SAMD15: variants seen among roughly 807,000 people sequenced by gnomAD.
The protein encoded by SAMD15 is sterile alpha motif domain containing 15.
SAMD15 carries 37 observed loss-of-function variants against 50.5 expected under a neutral mutation model. The observed-to-expected ratio is 0.73, with a 90% CI of 0.56 to 0.96. The LOEUF (loss-of-function observed/expected upper bound fraction) is 0.96. Among genes scored for constraint, SAMD15 ranks in the 40% least tolerant of loss-of-function variants. SAMD15 has a pLI of 0.00. For missense variants in SAMD15, 789 were observed against 783.8 expected (o/e 1.01, Z -0.08); for synonymous variants, 255 against 282.8 (o/e 0.90, Z 0.99).
intron 2 of SAMD15, among the ~76,000 whole-genome samples, chr14:77,382,269 C>A (rs997957238): frequency 1.3e-5 from 2 of 151,942 alleles, no homozygotes; most frequent in Admixed American, 6.6e-5. Context: ...GGACTACAGG[C>A]GCGTGGCACC....
At position 77,385,631 on chromosome 14, in the gene SAMD15, A is replaced by G. The variant is rs1186529039; in HGVS notation, c.1788+5150A>G. ...AACTTGGCTCTCCTTATATGTAAAT[A>G]TGTTTCCCTATGAAAGACAGATTTA... On this transcript the variant is annotated intron_variant, in intron 2 of 2. Transcript: ENST00000216471. Among the ~76,000 whole-genome samples, 5 of 152,160 alleles carry G rather than the reference A, an allele frequency of 3.3e-5. No homozygotes were observed. In the East Asian group the frequency reaches 9.7e-4, roughly 29 times the overall value.
intron 2 of SAMD15, among the ~76,000 whole-genome samples, chr14:77,383,960 A>G (rs528505799): frequency 2.5e-4 from 35 of 139,326 alleles, no homozygotes; most frequent in African/African-American, 9.2e-4. Context: ...CCTGGGTGAC[A>G]GAGCAAGACT....
At position 77,391,395 on chromosome 14, in the gene SAMD15, A is replaced by G; in HGVS notation, c.*151A>G. 5 of 566,760 alleles carry G rather than the reference A, an allele frequency of 8.8e-6. No individual in the cohort carries two copies. The highest frequency in any genetic ancestry group is 4.8e-5 in the South Asian group (2 of 41,684). 35.1% of individuals were successfully genotyped at this position (566,760 alleles called of 1,614,324 possible). A position where few individuals can be genotyped will look rare whatever the true frequency, so the allele number is the denominator to read the frequency against. ...GTCGCCCAGGCTGGAGTGCAATGGC[A>G]CAGTCTCAGCTCACTGCAACCTTGC... On this transcript the variant is annotated 3_prime_UTR_variant, in exon 3 of 3. Transcript: ENST00000216471.
At position 77,377,912 on chromosome 14, in the gene SAMD15, C is replaced by T. The variant is rs756325657; in HGVS notation, c.494C>T (p.Thr165Met). ...METDPDPVPP[T>M]ETMSEVSGAT... ...ACAGATCCAGATCCAGTGCCACCAA[C>T]GGAAACCATGTCTGAGGTTTCGGGG... is the stretch of plus-strand genomic sequence containing the variant. The change falls in exon 1 of 3, where the codon ACG becomes ATG. Residue 165 changes from threonine (T) to methionine (M), a missense_variant. Transcript: ENST00000216471. 3.1e-6 allele frequency: 5 copies of T among 1,613,898 alleles called. No individual in the cohort carries two copies. The highest frequency in any genetic ancestry group is 4.2e-6 in the Non-Finnish European group (5 of 1,180,006).
intron 2 of SAMD15, among the ~76,000 whole-genome samples, chr14:77,385,948 A>G (rs908506789): frequency 6.6e-6 from 1 of 151,086 alleles, no homozygotes; most frequent in African/African-American, 2.4e-5. Flanking sequence ...CCTGGGCTCA[A>G]ATAATCCTCC....
intron 2 of SAMD15, among the ~76,000 whole-genome samples, chr14:77,384,070 C>T (rs1333342513): frequency 6.6e-6 from 1 of 150,384 alleles, no homozygotes; most frequent in Non-Finnish European, 1.5e-5. Context: ...GTCTTCCTTA[C>T]TGATATACAC....
At chr14:77,387,082 A>C (rs1894013086) in intron 2 of SAMD15, among the ~76,000 whole-genome samples, 1 of 152,200 alleles carries the variant, frequency 6.6e-6, no homozygotes, top group African/African-American at 2.4e-5. Flanking sequence ...GTAATTTGCC[A>C]GTAAGTTGCT....
chr14:77,388,688 A>C (rs556264742), intron 2 of SAMD15, among the ~76,000 whole-genome samples: 1 of 151,742 alleles, frequency 6.6e-6, no homozygotes, highest in Non-Finnish European at 1.5e-5. Flanking sequence ...AGCTCACTGG[A>C]ACCTCTGCCT....
rs750107538 is a variant in SAMD15 at position 77,377,604 on chromosome 14, G to A, written c.186G>A (p.Glu62=). Residue 62 remains glutamate (E), a synonymous_variant, in exon 1 of 3, where the codon GAG becomes GAA. Coordinates refer to ENST00000216471, the MANE Select transcript of SAMD15 (RefSeq NM_001010860.4). The stretch of plus-strand genomic sequence containing the variant: ...AGCCACAGCCAGAGACCGAGGAAGA[G>A]GACTTCAAAGAGGGGGAGCCAGACA... The part of the protein sequence containing the change: ...YQEPQPETEE[E]DFKEGEPDSA... The A allele has an allele frequency of 1.9e-6, 3 of 1,614,144 alleles. No individual in the cohort carries two copies. Among genetic ancestry groups the A allele is most frequent in the Middle Eastern group, 1.6e-4 (1 of 6,062 alleles).
At chr14:77,383,385 A>G (rs1893968357) in intron 2 of SAMD15, among the ~76,000 whole-genome samples, 1 of 152,218 alleles carries the variant, frequency 6.6e-6, no homozygotes, top group Non-Finnish European at 1.5e-5. Flanking sequence ...TTGGTATTCT[A>G]ATTCCAAAAG....
chr14:77,391,329 C>CA lies in SAMD15; in HGVS notation c.*85_*86insA. 4 of 684,698 alleles carry CA rather than the reference C, an allele frequency of 5.8e-6. No homozygotes were observed. Among genetic ancestry groups the CA allele is most frequent in the South Asian group, 2.1e-5 (1 of 48,092 alleles). 42.4% of individuals were successfully genotyped at this position (684,698 alleles called of 1,614,324 possible). A position where few individuals can be genotyped will look rare whatever the true frequency, so the allele number is the denominator to read the frequency against. ...GGTCTTTTTTGGTTTTCTTTTTCTCCTTTTTTTTTTTTTTATTTTTTTGAG... is the reference window on the plus strand; with the variant it reads ...GGTCTTTTTTGGTTTTCTTTTTCTCCATTTTTTTTTTTTTTATTTTTTTGAG... On this transcript the variant is annotated 3_prime_UTR_variant, in exon 3 of 3. Coordinates refer to ENST00000216471, the MANE Select transcript of SAMD15 (RefSeq NM_001010860.4).
intron 2 of SAMD15, among the ~76,000 whole-genome samples, chr14:77,388,232 C>G (rs1029341783): frequency 1.3e-5 from 2 of 152,136 alleles, no homozygotes; most frequent in Admixed American, 1.3e-4. Context: ...TGTGAAATAA[C>G]CTTTTCTATT....
chr14:77,390,448 G>T (rs1319760166), intron 2 of SAMD15, among the ~76,000 whole-genome samples: 1 of 152,136 alleles, frequency 6.6e-6, no homozygotes, highest in East Asian at 1.9e-4. Context: ...ACAAAGAAAT[G>T]AACCCATCCA....
chr14:77,391,747 T>C lies in SAMD15; in HGVS notation c.*503T>C, dbSNP rs928235387. Among the ~76,000 whole-genome samples the C allele has an allele frequency of 2.0e-5, 3 of 152,152 alleles. No individual in the cohort carries two copies. Among genetic ancestry groups the C allele is most frequent in the African/African-American group, 7.2e-5 (3 of 41,432 alleles). ...AAAACAAAGATAGTCACGCTTATCTTTCTGGGTAATTATAAGAATTCCTGA... is the reference window on the plus strand; with the variant it reads ...AAAACAAAGATAGTCACGCTTATCTCTCTGGGTAATTATAAGAATTCCTGA... On this transcript the variant is annotated 3_prime_UTR_variant, in exon 3 of 3. Coordinates refer to ENST00000216471, the MANE Select transcript of SAMD15 (RefSeq NM_001010860.4).
chr14:77,385,847 A>ATC (rs1555361707), intron 2 of SAMD15, among the ~76,000 whole-genome samples: 2 of 131,044 alleles, frequency 1.5e-5, no homozygotes, highest in Non-Finnish European at 3.2e-5. Context: ...AACATCCTGG[A>ATC]TTTTTTTTTT....
chr14:77,385,689 TTC>T (rs1443706315), intron 2 of SAMD15, among the ~76,000 whole-genome samples: 1 of 152,170 alleles, frequency 6.6e-6, no homozygotes, highest in Non-Finnish European at 1.5e-5. Flanking sequence ...GTACAGCTGT[TTC>T]TGTCTCTCGC....
chr14:77,380,376 T>C lies in SAMD15; in HGVS notation c.1690-7T>C, dbSNP rs1893929969. Reference sequence around the variant, plus strand: ...TTTTTTAAGTGATGTCCTTGTTGTATTGACAGGAGTGTTTTATCACAAACT... The same window carrying C: ...TTTTTTAAGTGATGTCCTTGTTGTACTGACAGGAGTGTTTTATCACAAACT... On this transcript the variant is annotated splice_polypyrimidine_tract_variant and splice_region_variant and intron_variant, in intron 1 of 2. Coordinates refer to ENST00000216471, the MANE Select transcript of SAMD15 (RefSeq NM_001010860.4). 3 of 1,589,482 alleles carry C rather than the reference T, an allele frequency of 1.9e-6. No homozygotes were observed. The highest frequency in any genetic ancestry group is 8.6e-7 in the Non-Finnish European group (1 of 1,157,530).
chr14:77,380,548 C>CT (rs1293627102), intron 2 of SAMD15, 67 bp downstream of exon 2: 2 of 1,036,328 alleles, frequency 1.9e-6, no homozygotes, highest in Non-Finnish European at 3.0e-6. Flanking sequence ...TCAAACCAAC[C>CT]TTTTTTTCCT....
intron 2 of SAMD15, among the ~76,000 whole-genome samples, chr14:77,382,570 T>A (rs566180646): frequency 1.7e-4 from 26 of 152,200 alleles, no homozygotes; most frequent in African/African-American, 5.8e-4. Flanking sequence ...TATATTCAGA[T>A]AACAAGTTTA....
Sources: gnomAD v4.1 joint callset for allele counts (sites outside exome capture counted in the v4.1 genomes callset) on GRCh38, gnomAD v4.1.1 for gene constraint, MANE v1.5 for transcripts, NCBI Gene and HGNC (gene_info 2026-07-23, HGNC 2026-07-21) for gene names.